Variants in CD22 observed in about 807,000 individuals in gnomAD.
CD22 encodes B-cell receptor CD22.
A neutral mutation model predicts 94.7 loss-of-function variants in CD22; 51 were observed. The ratio of observed to expected loss-of-function variants is 0.54; its 90% confidence interval spans 0.43 to 0.68. The LOEUF is 0.68. CD22 is among the 30% of genes least tolerant of loss of function. The pLI is 0.00. For missense variants in CD22, 931 were observed against 1,060.4 expected, an observed-to-expected ratio of 0.88 and a Z score of 1.69; for synonymous variants, 424 against 422.5, an observed-to-expected ratio of 1.00 and a Z score of -0.04.
At position 35,337,827 on chromosome 19, in the gene CD22, C is replaced by T. The variant is rs1196209717; in HGVS notation, c.791C>T (p.Thr264Ile). 5.0e-6 allele frequency: 8 copies of T among 1,613,720 alleles called. No individual in the cohort carries two copies. The African/African-American group carries it at 8.0e-5, about 16-fold the overall frequency. ...IVREGDSVTM[T>I]CEVSSSNPEY... ...AGGGAGGGGGACTCTGTGACCATGA[C>T]CTGCGAGGTCAGCAGCAGCAACCCG... is the stretch of plus-strand genomic sequence containing the variant. Residue 264 changes from threonine to isoleucine, a missense_variant, in exon 5 of 14, where the codon ACC becomes ATC. Transcript: ENST00000085219. The surrounding 1 kb of genome is among the most constrained non-coding windows in gnomAD (Gnocchi z 4.4).
In CD22 at chr19:35,338,188, G is replaced by T; in HGVS notation, c.1006G>T (p.Val336Phe). 2 of 1,613,330 alleles carry T rather than the reference G, an allele frequency of 1.2e-6. No homozygotes were observed. Among genetic ancestry groups the T allele is most frequent in the Non-Finnish European group, 1.7e-6 (2 of 1,179,458 alleles). ...TCCAGATGCCCCGGAACCTTCCACG[G>T]TTCAGATCCTCCACTCACCGGCTGT... The part of the protein sequence containing the change: ...QVQYAPEPST[V>F]QILHSPAVEG... The change falls in exon 6 of 14, where the codon GTT becomes TTT. Residue 336 changes from valine to phenylalanine, a missense_variant. By Grantham distance (50) the Val-to-Phe change is conservative. Transcript: ENST00000085219.
chr19:35,334,031 TTA>T (rs2066683070), intron 3 of CD22, among the ~76,000 whole-genome samples: 1 of 152,172 alleles, frequency 6.6e-6, no homozygotes, highest in Non-Finnish European at 1.5e-5. Context: ...ACCTCAGTGC[TTA>T]GAAGCTGAGA....
At chr19:35,342,007 G>GTCCTTCCTTCCTTCCTTCCT (rs71167534) in intron 9 of CD22, 42 bp downstream of exon 9, 80 of 1,028,952 alleles carry the variant, frequency 7.8e-5, no homozygotes, top group East Asian at 2.6e-4. Flanking sequence ...GTGGTGGTCA[G>GTCCTTCCTTCCTTCCTTCCT]TCCTTCCTTC....
chr19:35,345,351 G>A, intron 11 of CD22: 1 of 577,216 alleles, frequency 1.7e-6, no homozygotes, highest in Non-Finnish European at 3.1e-6. Flanking sequence ...AACCTGGGAG[G>A]CAGAGGTTGC....
intron 9 of CD22, 92 bp from the exon 10 acceptor site, chr19:35,344,737 C>A: frequency 1.1e-6 from 1 of 888,260 alleles, no homozygotes; most frequent in Non-Finnish European, 1.8e-6. Context: ...ACGAGTCTGG[C>A]TGCAGAGAGA....
At position 35,341,695 on chromosome 19, in the gene CD22, C is replaced by A. The variant is rs376123363; in HGVS notation, c.1772-7C>A. On this transcript the variant is annotated splice_region_variant and splice_polypyrimidine_tract_variant and intron_variant, in intron 8 of 13. Transcript: ENST00000085219. The surrounding 1 kb of genome is among the most constrained non-coding windows in gnomAD (Gnocchi z 4.0). ...CTTCGCACCCCCTCCCCCTGCCCGC[C>A]ATGCAGATGCACCCAGGAGGCTGCG... The A allele has an allele frequency of 1.2e-6, 2 of 1,607,932 alleles. No homozygotes were observed. The highest frequency in any genetic ancestry group is 1.7e-6 in the Non-Finnish European group (2 of 1,177,704).
In CD22 at chr19:35,341,234, A is replaced by G. The variant is rs999524883; in HGVS notation, c.1507+96A>G. On this transcript the variant is annotated intron_variant, in intron 7 of 13. Transcript: ENST00000085219. The surrounding 1 kb of genome is among the most constrained non-coding windows in gnomAD (Gnocchi z 4.0). ...GCCGGAGCCTGGGCCAGTGTCTTCAACAGAATTGAGGGACAGGAGCCTGGC... is the reference window on the plus strand; with the variant it reads ...GCCGGAGCCTGGGCCAGTGTCTTCAGCAGAATTGAGGGACAGGAGCCTGGC... 6 of 1,599,844 alleles carry G rather than the reference A, an allele frequency of 3.8e-6. No individual in the cohort carries two copies. In the Admixed American group the frequency reaches 8.5e-5, roughly 23 times the overall value.
At position 35,345,656 on chromosome 19, in the gene CD22, A is replaced by G. The variant is rs754638672; in HGVS notation, c.2263A>G (p.Met755Val). 3.7e-6 allele frequency: 6 copies of G among 1,613,924 alleles called. No individual in the cohort carries two copies. The highest frequency in any genetic ancestry group is 3.3e-5 in the Admixed American group (2 of 60,002). Residue 755 changes from methionine to valine, a missense_variant, in exon 12 of 14, where the codon ATG becomes GTG. Physicochemically the swap from Met to Val is conservative, Grantham distance 21 (BLOSUM62 1). Transcript: ENST00000085219. ...CCACTCCCTGGGATGCTACAATCCA[A>G]TGATGGAAGATGGCATTAGCTACAC... ...GPHSLGCYNP[M>V]MEDGISYTTL... is the part of the protein sequence containing the mutation.
chr19:35,341,404 C>G lies in CD22; in HGVS notation c.1569C>G (p.Asn523Lys). The change falls in exon 8 of 14, where the codon AAC becomes AAG. Residue 523 changes from asparagine (N) to lysine (K), a missense_variant. Coordinates refer to ENST00000085219, the MANE Select transcript of CD22 (RefSeq NM_001771.4). This position sits in a 1 kb window ranked among gnomAD's most constrained non-coding sequence, Gnocchi z 4.0. ...IKPLSEIHSG[N>K]SVSLQCDFSS... ...CCCTTTCCGAGATTCACTCTGGAAA[C>G]TCGGTCAGCCTCCAATGTGACTTCT... The G allele has an allele frequency of 6.2e-6, 10 of 1,613,828 alleles. No homozygotes were observed. Among genetic ancestry groups the G allele is most frequent in the Non-Finnish European group, 7.6e-6 (9 of 1,179,978 alleles).
intron 1 of CD22, 139 bp from the exon 2 acceptor site, chr19:35,331,880 A>G: frequency 2.6e-6 from 4 of 1,524,650 alleles, no homozygotes; most frequent in Non-Finnish European, 3.5e-6. Context: ...AGCATCCCAA[A>G]TGCCACATCC....
At chr19:35,338,973 G>A (rs745553404) in intron 6 of CD22, among the ~76,000 whole-genome samples, 2 of 148,288 alleles carry the variant, frequency 1.3e-5, no homozygotes, top group Admixed American at 6.7e-5. Context: ...GGTGGCTCCC[G>A]CCTGCAATCC....
At chr19:35,329,689 A>C (rs1232389929) in intron 1 of CD22, 3 of 161,160 alleles carry the variant, frequency 1.9e-5, no homozygotes, top group African/African-American at 7.2e-5. Flanking sequence ...GGAGGCGCCC[A>C]TCTCCCACTC....
Position 35,346,139 on chromosome 19 carries a change from C to T in CD22, c.2328-12C>T, listed in dbSNP as rs756761494. The T allele has an allele frequency of 1.2e-6, 2 of 1,606,060 alleles. No homozygotes were observed. Among genetic ancestry groups the T allele is most frequent in the South Asian group, 1.1e-5 (1 of 90,972 alleles). On this transcript the variant is annotated splice_polypyrimidine_tract_variant and intron_variant, in intron 12 of 13. Transcript: ENST00000085219. The stretch of plus-strand genomic sequence containing the variant: ...GCTTCATGCGTGGTCGTCTATCTGC[C>T]CTGTCTCTCAGAGATGCAGAGTCCT...
chr19:35,341,662 G>A lies in CD22; in HGVS notation c.1772-40G>A, dbSNP rs748108909. The A allele has an allele frequency of 6.2e-7, 1 of 1,606,872 alleles. No individual in the cohort carries two copies. The highest frequency in any genetic ancestry group is 1.3e-5 in the African/African-American group (1 of 74,906). ...CAGAGAAGGGACCAGTGGCCTGCCT[G>A]GTAGTGACTTCGCACCCCCTCCCCC... On this transcript the variant is annotated intron_variant, in intron 8 of 13. Transcript: ENST00000085219. The surrounding 1 kb of genome is among the most constrained non-coding windows in gnomAD (Gnocchi z 4.0).
intron 6 of CD22, among the ~76,000 whole-genome samples, chr19:35,340,362 AACCTCC>A (rs1167061609): frequency 1.3e-5 from 2 of 152,004 alleles, no homozygotes; most frequent in African/African-American, 4.8e-5. Flanking sequence ...GGCTCACTGC[AACCTCC>A]ACCTCCCGGG....
chr19:35,340,940 A>G lies in CD22; in HGVS notation c.1309A>G (p.Thr437Ala), dbSNP rs748804995. The G allele has an allele frequency of 9.9e-6, 16 of 1,614,050 alleles. No homozygotes were observed. Among genetic ancestry groups the G allele is most frequent in the Non-Finnish European group, 1.4e-5 (16 of 1,180,022 alleles). The part of the protein sequence containing the change: ...QNPMPIREGD[T>A]VTLSCNYNSS... ...CCCCATGCCGATTCGAGAAGGAGAC[A>G]CAGTGACCCTTTCCTGTAACTACAA... The change falls in exon 7 of 14, where the codon ACA becomes GCA. Residue 437 changes from threonine to alanine, a missense_variant. Physicochemically the swap from Thr to Ala is moderately conservative, Grantham distance 58. Transcript: ENST00000085219.
At chr19:35,336,388 C>T in intron 4 of CD22, 47 bp downstream of exon 4, 2 of 1,577,026 alleles carry the variant, frequency 1.3e-6, no homozygotes, top group Non-Finnish European at 1.7e-6. Flanking sequence ...TCTGTGTCAC[C>T]TTCTCCCCAG....
chr19:35,334,504 G>T (rs1019055019), intron 3 of CD22, among the ~76,000 whole-genome samples: 9 of 152,288 alleles, frequency 5.9e-5, no homozygotes, highest in African/African-American at 2.2e-4. Flanking sequence ...AGGTGTGGGG[G>T]GCCCCTGCCA....
Position 35,341,676 on chromosome 19 carries a change from ACCCCCT to A in CD22, c.1772-19_1772-14del. ...GTGGCCTGCCTGGTAGTGACTTCGC[ACCCCCT>A]CCCCCTGCCCGCCATGCAGATGCAC... On this transcript the variant is annotated intron_variant, in intron 8 of 13. Coordinates refer to ENST00000085219, the MANE Select transcript of CD22 (RefSeq NM_001771.4). The surrounding 1 kb of genome is among the most constrained non-coding windows in gnomAD (Gnocchi z 4.0). 6.2e-7 allele frequency: 1 copy of A among 1,604,984 alleles called. No individual in the cohort carries two copies.
Sources: gnomAD v4.1 joint callset for allele counts (sites outside exome capture counted in the v4.1 genomes callset) on GRCh38, gnomAD v4.1.1 for gene constraint, Gnocchi (gnomAD v3.1) non-coding constraint, MANE v1.5 for transcripts, NCBI Gene and HGNC (gene_info 2026-07-23, HGNC 2026-07-21) for gene names.